The following PLA2G5 variants were observed in gnomAD, a reference collection of about 807,000 sequenced individuals.
The protein encoded by PLA2G5 is phospholipase A2 group V.
Under a neutral mutation model 15.9 loss-of-function variants are expected in PLA2G5, and 12 were observed. The ratio of observed to expected loss-of-function variants is 0.76; its 90% CI spans 0.48 to 1.23. PLA2G5 has a LOEUF of 1.23. Among genes scored for constraint, PLA2G5 ranks in the 50% most tolerant of loss-of-function variants. PLA2G5 has a pLI of 0.00. For synonymous variants in PLA2G5, 71 were observed against 71.4 expected (o/e 0.99, Z 0.03); for missense variants, 169 against 177.1 (o/e 0.95, Z 0.26).
intron 1 of PLA2G5, among the ~76,000 whole-genome samples, 175 bp downstream of exon 1, chr1:20,070,640 A>G (rs2100531256): frequency 6.6e-6 from 1 of 152,214 alleles, no homozygotes; most frequent in South Asian, 2.1e-4. Context: ...TTCACCTGTC[A>G]TTGTCAGGCC....
At chr1:20,029,339 C>G (rs1210664969) in intron 1 of PLA2G5, among the ~76,000 whole-genome samples, 2 of 152,100 alleles carry the variant, frequency 1.3e-5, no homozygotes, top group Non-Finnish European at 2.9e-5. Context: ...CCGTGTGTTC[C>G]TCCCCTGATA....
At chr1:20,061,906 G>A (rs1337013174) in intron 2 of PLA2G5, among the ~76,000 whole-genome samples, 1 of 152,246 alleles carries the variant, frequency 6.6e-6, no homozygotes. Flanking sequence ...CAGATCTCAT[G>A]TTGAAATGTA....
chr1:20,028,936 TG>T (rs2012720314), intron 1 of PLA2G5, among the ~76,000 whole-genome samples: 2 of 152,322 alleles, frequency 1.3e-5, no homozygotes, highest in South Asian at 4.1e-4. Flanking sequence ...TGTGGGGCTC[TG>T]ACCCCACGAC....
At chr1:20,061,904 A>G (rs1397216172) in intron 2 of PLA2G5, among the ~76,000 whole-genome samples, 2 of 152,206 alleles carry the variant, frequency 1.3e-5, no homozygotes, top group African/African-American at 4.8e-5. Context: ...CCCAGATCTC[A>G]TGTTGAAATG....
chr1:20,067,928 C>T (rs577810833), upstream of PLA2G5, among the ~76,000 whole-genome samples: 2 of 152,102 alleles, frequency 1.3e-5, no homozygotes, highest in East Asian at 1.9e-4. Flanking sequence ...TGACCAGCCT[C>T]GCCAACATGG....
intron 2 of PLA2G5, among the ~76,000 whole-genome samples, chr1:20,063,066 T>A (rs532976578): frequency 1.3e-5 from 2 of 152,198 alleles, no homozygotes; most frequent in African/African-American, 4.8e-5. Flanking sequence ...CATAGTGCCA[T>A]GTGCCTGTAG....
chr1:20,061,145 C>A (rs534594915), intron 2 of PLA2G5, among the ~76,000 whole-genome samples: 2 of 152,342 alleles, frequency 1.3e-5, no homozygotes, highest in African/African-American at 4.8e-5. Flanking sequence ...TCTGTGGGAT[C>A]TGACCCAGGG....
rs556681693 is a variant in PLA2G5 at position 20,091,617 on chromosome 1, A to G, written c.*925A>G. 2.6e-5 allele frequency among the ~76,000 whole-genome samples: 4 copies of G among 152,270 alleles called. No homozygotes were observed. In the East Asian group the frequency reaches 7.7e-4, roughly 29 times the overall value. On this transcript the variant is annotated 3_prime_UTR_variant, in exon 5 of 5. Transcript: ENST00000375108. Reference sequence around the variant, plus strand: ...GAATGCTGAGGTTCTAGGATTTCACACAGCAGGAATTTTTTTTTAATAGGT... The same window carrying G: ...GAATGCTGAGGTTCTAGGATTTCACGCAGCAGGAATTTTTTTTTAATAGGT...
chr1:20,089,605 A>G (rs1241482114), intron 3 of PLA2G5, among the ~76,000 whole-genome samples, 184 bp from the exon 4 acceptor site: 1 of 152,208 alleles, frequency 6.6e-6, no homozygotes, highest in Non-Finnish European at 1.5e-5. Flanking sequence ...AAGAGGGTCC[A>G]TGACCTGCTG....
In PLA2G5 at chr1:20,062,687, C is replaced by T. The variant is rs375950507; in HGVS notation, n.337+2995C>T. On this transcript the variant is annotated intron_variant and non_coding_transcript_variant, in intron 2 of 6. Coordinates refer to the PLA2G5 transcript ENST00000460175. ...TTCAGAGGGGACAGGGGAGGTGGCACACTGCTGTCCTTCTTTTTCCCCTAC... is the reference window on the plus strand; with the variant it reads ...TTCAGAGGGGACAGGGGAGGTGGCATACTGCTGTCCTTCTTTTTCCCCTAC... 7.4e-3 allele frequency among the ~76,000 whole-genome samples: 1,128 copies of T among 152,084 alleles called. 19 individuals carry two copies. Among genetic ancestry groups the T allele is most frequent in the African/African-American group, 0.026 (1,065 of 41,400 alleles).
intron 1 of PLA2G5, among the ~76,000 whole-genome samples, chr1:20,077,843 T>A (rs1404152612): frequency 6.6e-6 from 1 of 152,230 alleles, no homozygotes; most frequent in Admixed American, 6.5e-5. Context: ...TTCTCCTGGT[T>A]GCTGTATTCA....
At position 20,091,188 on chromosome 1, in the gene PLA2G5, T is replaced by A. The variant is rs1021639113; in HGVS notation, c.*496T>A. ...TAAAAACCACATTGGCATTTTCCTC[T>A]GCTGTGGGGGATCGCTGGTGCCTCT... On this transcript the variant is annotated 3_prime_UTR_variant, in exon 5 of 5. Transcript: ENST00000375108. 2 of 152,892 alleles carry A rather than the reference T, an allele frequency of 1.3e-5. No homozygotes were observed. The highest frequency in any genetic ancestry group is 4.8e-5 in the African/African-American group (2 of 41,470). The allele number at this position is 152,892 out of a possible 1,614,324, so 9.5% of individuals were successfully genotyped here. A position where few individuals can be genotyped will look rare whatever the true frequency, so the allele number is the denominator to read the frequency against.
chr1:20,065,426 CCT>C (rs575204108), upstream of PLA2G5, among the ~76,000 whole-genome samples: 3 of 152,136 alleles, frequency 2.0e-5, no homozygotes, highest in Non-Finnish European at 4.4e-5. Context: ...CCTGTTCATC[CCT>C]CTGTCCTCCC....
chr1:20,056,337 A>G (rs962134838), intron 1 of PLA2G5, among the ~76,000 whole-genome samples: 6 of 151,852 alleles, frequency 4.0e-5, no homozygotes, highest in African/African-American at 1.2e-4. Context: ...CTAGTTGGCC[A>G]TCTTGCCCCC....
intron 1 of PLA2G5, among the ~76,000 whole-genome samples, chr1:20,057,281 A>T (rs1486647857): frequency 2.1e-5 from 3 of 145,040 alleles, no homozygotes; most frequent in African/African-American, 7.6e-5. Context: ...TCCTTTTTTT[A>T]TTTCATAAAG....
At position 20,090,912 on chromosome 1, in the gene PLA2G5, C is replaced by A; in HGVS notation, c.*220C>A. ...GTAGGGTCCCAGGGTCCCTAGGCCT[C>A]CACTTCTGAGGGCAGCCCCTCTGGT... On this transcript the variant is annotated 3_prime_UTR_variant, in exon 5 of 5. Transcript: ENST00000375108. The A allele has an allele frequency of 2.0e-6, 1 of 491,738 alleles. No homozygotes were observed. The highest frequency in any genetic ancestry group is 3.6e-6 in the Non-Finnish European group (1 of 275,408). 30.5% of individuals were successfully genotyped at this position (491,738 alleles called of 1,614,324 possible).
chr1:20,064,506 C>T (rs904855053), intron 2 of PLA2G5, among the ~76,000 whole-genome samples: 1 of 150,366 alleles, frequency 6.7e-6, no homozygotes, highest in Non-Finnish European at 1.5e-5. Flanking sequence ...ACCTGGGAGG[C>T]GGAGGTTGCA....
chr1:20,054,464 C>A (rs187785367), intron 1 of PLA2G5, among the ~76,000 whole-genome samples: 1 of 152,074 alleles, frequency 6.6e-6, no homozygotes, highest in Non-Finnish European at 1.5e-5. Context: ...ATGATGGATA[C>A]GAGACCATAG....
At position 20,090,298 on chromosome 1, in the gene PLA2G5, CCA is replaced by C. The variant is rs1328647872; in HGVS notation, c.293-268_293-267del. On this transcript the variant is annotated intron_variant, in intron 4 of 4. Coordinates refer to ENST00000375108, the MANE Select transcript of PLA2G5 (RefSeq NM_000929.3). ...AGTTCCTCCAGAGCAGCGGCTGCCT[CCA>C]CCATCAGACTGGGAGTCCCCCAGAG... Among the ~76,000 whole-genome samples the C allele has an allele frequency of 7.9e-5, 12 of 152,276 alleles. No homozygotes were observed. In the East Asian group the frequency reaches 2.3e-3, roughly 29 times the overall value.
Sources: allele counts gnomAD v4.1 joint callset (sites outside exome capture counted in the v4.1 genomes callset), GRCh38; gene constraint gnomAD v4.1.1; transcripts MANE v1.5; gene names NCBI Gene and HGNC (gene_info 2026-07-23, HGNC 2026-07-21).